Variants in IRAG1 observed in about 807,000 individuals in gnomAD.
IRAG1 encodes the protein IP3R-associated cGMP kinase substrate.
Under a neutral mutation model 106.2 loss-of-function variants are expected in IRAG1, and 62 were observed. The observed-to-expected ratio is 0.58, with a 90% CI of 0.48 to 0.72. IRAG1 has a LOEUF of 0.72. Among genes scored for constraint, IRAG1 ranks in the 30% least tolerant of loss-of-function variants. The pLI is 0.00. For missense variants in IRAG1, 1,064 were observed against 1,140.7 expected (o/e 0.93, Z 0.97); for synonymous variants, 462 against 443.9 (o/e 1.04, Z -0.51).
At chr11:10,641,235 G>A (rs1047675799) in intron 2 of IRAG1, among the ~76,000 whole-genome samples, 3 of 152,202 alleles carry the variant, frequency 2.0e-5, no homozygotes, top group African/African-American at 7.2e-5. Context: ...ACCTAGCACT[G>A]AGCAAATGCT....
chr11:10,625,995 G>A lies in IRAG1; in HGVS notation c.1339C>T (p.Arg447Trp), dbSNP rs567720854. 1.6e-5 allele frequency: 24 copies of A among 1,491,818 alleles called. No individual in the cohort carries two copies. Among genetic ancestry groups the A allele is most frequent in the Middle Eastern group, 3.6e-4 (2 of 5,546 alleles). The allele number at this position is 1,491,818 out of a possible 1,614,324, so 92.4% of individuals were successfully genotyped here. The part of the protein sequence containing the change: ...KDFQIQVQPV[R>W]MQKLTKLREE... ...CGGAGCTTGGTCAGTTTCTGCATCC[G>A]CACGGGCTGCACTTGTATCTGAAAG... Residue 447 changes from arginine (R) to tryptophan (W), a missense_variant, in exon 9 of 21, where the codon CGG (arginine) becomes TGG (tryptophan). Physicochemically the swap from Arg to Trp is moderately radical, Grantham distance 101. Coordinates refer to ENST00000423302, the MANE Select transcript of IRAG1 (RefSeq NM_130385.4).
At position 10,581,023 on chromosome 11, in the gene IRAG1, G is replaced by A. The variant is rs540607279; in HGVS notation, c.2361-434C>T. ...CCAGGCACATGGCTTGATCTAGAGA[G>A]GTACTCAGTAAATGTTTACGAAACC... On this transcript the variant is annotated intron_variant, in intron 19 of 20. Transcript: ENST00000423302. Among the ~76,000 whole-genome samples the A allele has an allele frequency of 9.8e-5, 15 of 152,306 alleles. No individual in the cohort carries two copies. In the South Asian group the frequency reaches 2.9e-3, roughly 29 times the overall value.
In IRAG1 at chr11:10,652,186, G is replaced by T; in HGVS notation, c.68-4C>A. 1 of 1,613,812 alleles carries T rather than the reference G, an allele frequency of 6.2e-7. No individual in the cohort carries two copies. The highest frequency in any genetic ancestry group is 8.5e-7 in the Non-Finnish European group (1 of 1,179,824). On this transcript the variant is annotated splice_region_variant and splice_polypyrimidine_tract_variant and intron_variant, in intron 1 of 20. Transcript: ENST00000423302. ...CAAGAGGCCTGGGCTCCACAGGCTG[G>T]GGAGATGCCAAAAGGACAAGTCAAA...
At position 10,651,945 on chromosome 11, in the gene IRAG1, C is replaced by A. The variant is rs906321526; in HGVS notation, c.225+80G>T. ...AGCTGTCAGCAAACCCTCTGGCCAGCCTAAAAGCTGTGGCCTCAGCCCAGG... is the reference window on the plus strand; with the variant it reads ...AGCTGTCAGCAAACCCTCTGGCCAGACTAAAAGCTGTGGCCTCAGCCCAGG... On this transcript the variant is annotated intron_variant, in intron 2 of 20. Coordinates refer to ENST00000423302, the MANE Select transcript of IRAG1 (RefSeq NM_130385.4). 4.8e-6 allele frequency: 7 copies of A among 1,453,846 alleles called. No individual in the cohort carries two copies. The African/African-American group carries it at 8.5e-5, about 18-fold the overall frequency. 90.1% of individuals were successfully genotyped at this position (1,453,846 alleles called of 1,614,324 possible). A position where few individuals can be genotyped will look rare whatever the true frequency, so the allele number is the denominator to read the frequency against.
chr11:10,612,877 A>C (rs148708013), intron 10 of IRAG1, among the ~76,000 whole-genome samples: 19 of 152,332 alleles, frequency 1.2e-4, no homozygotes, highest in African/African-American at 4.6e-4. Context: ...CTATTTAAGG[A>C]AACAAATTAA....
chr11:10,690,879 C>T (rs1403691067), intron 1 of IRAG1, among the ~76,000 whole-genome samples: 6 of 152,208 alleles, frequency 3.9e-5, no homozygotes, highest in African/African-American at 1.4e-4. Flanking sequence ...TACCTGAGAA[C>T]TCAGCTCTCC....
At chr11:10,604,757 A>C (rs1854337741) in intron 12 of IRAG1, among the ~76,000 whole-genome samples, 1 of 152,256 alleles carries the variant, frequency 6.6e-6, no homozygotes, top group Non-Finnish European at 1.5e-5. Context: ...GGCCCTTCCC[A>C]GAACCGGAGG....
chr11:10,592,580 C>T (rs1315165327), intron 17 of IRAG1, among the ~76,000 whole-genome samples: 1 of 152,094 alleles, frequency 6.6e-6, no homozygotes, highest in Non-Finnish European at 1.5e-5. Context: ...TAGTGCTAGT[C>T]ATAGGCAGGG....
At chr11:10,620,870 C>T (rs190076453) in intron 10 of IRAG1, among the ~76,000 whole-genome samples, 46 of 152,254 alleles carry the variant, frequency 3.0e-4, no homozygotes, top group African/African-American at 1.1e-3. Context: ...ATTGTTTATA[C>T]TAGCATTGTT....
intron 1 of IRAG1, among the ~76,000 whole-genome samples, chr11:10,669,151 T>G (rs917475614): frequency 3.9e-5 from 6 of 152,232 alleles, no homozygotes; most frequent in African/African-American, 1.4e-4. Context: ...GATTGGTATT[T>G]TTTCTCTGGA....
At chr11:10,671,853 T>C (rs1462608208) in intron 1 of IRAG1, among the ~76,000 whole-genome samples, 1 of 152,066 alleles carries the variant, frequency 6.6e-6, no homozygotes, top group Non-Finnish European at 1.5e-5. Context: ...TGGAATGCCA[T>C]CTCATTCCAA....
At chr11:10,660,299 C>CT (rs1409470430) in intron 1 of IRAG1, among the ~76,000 whole-genome samples, 1 of 152,176 alleles carries the variant, frequency 6.6e-6, no homozygotes, top group Non-Finnish European at 1.5e-5. Flanking sequence ...AAAATAACTG[C>CT]TTTTTAATTA....
chr11:10,612,130 T>C (rs1855016327), intron 10 of IRAG1, among the ~76,000 whole-genome samples: 1 of 152,224 alleles, frequency 6.6e-6, no homozygotes, highest in Non-Finnish European at 1.5e-5. Flanking sequence ...CCCCGACTCC[T>C]GAAAAACAGT....
chr11:10,680,763 T>A (rs1452282575), intron 1 of IRAG1, among the ~76,000 whole-genome samples: 3 of 152,128 alleles, frequency 2.0e-5, no homozygotes, highest in African/African-American at 7.2e-5. Context: ...ACATGGATAA[T>A]AACAATCTTG....
chr11:10,686,227 G>A (rs541415982), intron 1 of IRAG1, among the ~76,000 whole-genome samples: 2 of 152,200 alleles, frequency 1.3e-5, no homozygotes, highest in South Asian at 4.2e-4. Context: ...CATAGGTAAG[G>A]GGACTCAGAG....
chr11:10,627,742 C>T lies in IRAG1; in HGVS notation c.724G>A (p.Val242Ile), dbSNP rs868537049. Residue 242 changes from valine (V) to isoleucine (I), a missense_variant, in exon 8 of 21, where the codon GTC (valine) becomes ATC (isoleucine). Coordinates refer to ENST00000423302, the MANE Select transcript of IRAG1 (RefSeq NM_130385.4). Reference sequence around the variant, plus strand: ...GGCTCGCCAGGGTGAGGTGAAGAGACGTCGGCCTCATCCCCCTTCTGCTGG... The same window carrying T: ...GGCTCGCCAGGGTGAGGTGAAGAGATGTCGGCCTCATCCCCCTTCTGCTGG... ...APPQKGDEAD[V>I]SSPHPGEPNV... 24 of 1,613,852 alleles carry T rather than the reference C, an allele frequency of 1.5e-5. No individual in the cohort carries two copies. Among genetic ancestry groups the T allele is most frequent in the Non-Finnish European group, 1.9e-5 (22 of 1,179,914 alleles).
rs1306370232 is a variant in IRAG1 at position 10,671,109 on chromosome 11, AC to A, written c.68-18928del. On this transcript the variant is annotated intron_variant, in intron 1 of 20. Coordinates refer to ENST00000423302, the MANE Select transcript of IRAG1 (RefSeq NM_130385.4). ...ATTGCTTTAGTATTTTTCCAGGCTAACCACAAAACTCCTTTCAGAACCTTTC... is the reference window on the plus strand; with the variant it reads ...ATTGCTTTAGTATTTTTCCAGGCTAACACAAAACTCCTTTCAGAACCTTTC... 2.0e-5 allele frequency among the ~76,000 whole-genome samples: 3 copies of A among 152,228 alleles called. No individual in the cohort carries two copies. In the East Asian group the frequency reaches 5.8e-4, roughly 29 times the overall value.
intron 14 of IRAG1, 95 bp downstream of exon 14, chr11:10,603,025 T>C: frequency 7.0e-7 from 1 of 1,434,550 alleles, no homozygotes; most frequent in Non-Finnish European, 9.3e-7. Context: ...GGAAGCCACC[T>C]CTAAGTGGTA....
At chr11:10,646,635 T>A (rs1857969555) in intron 2 of IRAG1, among the ~76,000 whole-genome samples, 1 of 152,086 alleles carries the variant, frequency 6.6e-6, no homozygotes, top group African/African-American at 2.4e-5. Context: ...ACTTAAAAGT[T>A]ACGGGAGGGG....
Sources: allele counts gnomAD v4.1 joint callset (sites outside exome capture counted in the v4.1 genomes callset), GRCh38; gene constraint gnomAD v4.1.1; transcripts MANE v1.5; gene names NCBI Gene and HGNC (gene_info 2026-07-23, HGNC 2026-07-21).